Variants in ANKRD29 observed in about 807,000 individuals in gnomAD.
ANKRD29 encodes the protein ankyrin repeat domain-containing protein 29.
Under a neutral mutation model 38.0 loss-of-function variants are expected in ANKRD29, and 32 were observed. That is an observed-to-expected ratio of 0.84 (90% CI 0.64 to 1.13). The LOEUF is 1.13. Among genes scored for constraint, ANKRD29 ranks in the 50% most tolerant of loss-of-function variants. ANKRD29 has a pLI of 0.00. For synonymous variants in ANKRD29, 135 were observed against 152.4 expected (o/e 0.89, Z 0.84); for missense variants, 357 against 377.9 (o/e 0.94, Z 0.46).
chr18:23,657,270 ACCT>A (rs1222155000), intron 1 of ANKRD29, among the ~76,000 whole-genome samples: 2 of 151,006 alleles, frequency 1.3e-5, no homozygotes, highest in Non-Finnish European at 3.0e-5. Context: ...ACTCAACCTC[ACCT>A]CCTTTCCCTT....
intron 3 of ANKRD29, among the ~76,000 whole-genome samples, chr18:23,643,999 C>T (rs1264707672): frequency 2.6e-5 from 4 of 152,204 alleles, no homozygotes; most frequent in Non-Finnish European, 2.9e-5. Flanking sequence ...CCTCTTGCCC[C>T]AGACTGACAC....
At chr18:23,626,093 A>G (rs2059858927) in intron 6 of ANKRD29, among the ~76,000 whole-genome samples, 1 of 152,054 alleles carries the variant, frequency 6.6e-6, no homozygotes, top group Non-Finnish European at 1.5e-5. Context: ...GTCTGTTCCC[A>G]TTTCCAAACC....
intron 4 of ANKRD29, among the ~76,000 whole-genome samples, chr18:23,635,742 GTCAT>G (rs2059994369): frequency 1.3e-5 from 2 of 152,200 alleles, no homozygotes; most frequent in Non-Finnish European, 2.9e-5. Flanking sequence ...CTTTTGACCA[GTCAT>G]GTGGGTTGAT....
chr18:23,649,816 C>T (rs2060188408), intron 1 of ANKRD29, among the ~76,000 whole-genome samples: 1 of 151,902 alleles, frequency 6.6e-6, no homozygotes, highest in Non-Finnish European at 1.5e-5. Context: ...TGCAACCTCC[C>T]CTTCCTGGGT....
chr18:23,613,264 C>CTGAGT (rs111347558), intron 8 of ANKRD29, among the ~76,000 whole-genome samples: 19 of 151,342 alleles, frequency 1.3e-4, no homozygotes, highest in African/African-American at 3.9e-4. Flanking sequence ...CCTCTGCCTC[C>CTGAGT]AGGGCTCAAA....
In ANKRD29 at chr18:23,629,807, G is replaced by T. The variant is rs562386200; in HGVS notation, c.528+46C>A. The stretch of plus-strand genomic sequence containing the variant: ...TGCCAGCGGACACCCAGCCCTCCCT[G>T]CCCCATGCGCCATGTGCTCGGGCAA... On this transcript the variant is annotated intron_variant, in intron 6 of 9. Transcript: ENST00000592179. The T allele has an allele frequency of 3.2e-6, 5 of 1,539,912 alleles. No individual in the cohort carries two copies. In the East Asian group the frequency reaches 9.0e-5, roughly 28 times the overall value.
intron 1 of ANKRD29, among the ~76,000 whole-genome samples, chr18:23,662,456 G>T (rs112319387): frequency 0.036 from 5,496 of 152,210 alleles, 337 homozygotes; most frequent in African/African-American, 0.13. Context: ...GCCGGGCACA[G>T]ACTCAGCCGA....
Position 23,646,175 on chromosome 18 carries a change from A to G in ANKRD29, c.231+14T>C. On this transcript the variant is annotated intron_variant, in intron 3 of 9. Coordinates refer to ENST00000592179, the MANE Select transcript of ANKRD29 (RefSeq NM_173505.4). ...AGCCTGGTCATTTTTCTTCAAGTGC[A>G]AAGCCTGACCTACCTCTCTCTGGAG... 1 of 1,613,586 alleles carries G rather than the reference A, an allele frequency of 6.2e-7. No homozygotes were observed. The highest frequency in any genetic ancestry group is 8.5e-7 in the Non-Finnish European group (1 of 1,179,658).
intron 3 of ANKRD29, among the ~76,000 whole-genome samples, chr18:23,645,584 C>T (rs1196138214): frequency 6.6e-6 from 1 of 152,146 alleles, no homozygotes; most frequent in Non-Finnish European, 1.5e-5. Context: ...AAAAAAAAGT[C>T]CCAGACTCCC....
At chr18:23,643,214 C>T (rs1482005639) in intron 3 of ANKRD29, among the ~76,000 whole-genome samples, 3 of 152,198 alleles carry the variant, frequency 2.0e-5, no homozygotes, top group Non-Finnish European at 4.4e-5. Flanking sequence ...CCCAGGAAGG[C>T]ACAGGCATTG....
chr18:23,617,262 A>G (rs1167895613), intron 8 of ANKRD29, among the ~76,000 whole-genome samples: 1 of 152,176 alleles, frequency 6.6e-6, no homozygotes, highest in African/African-American at 2.4e-5. Flanking sequence ...ACTTAAAAAA[A>G]GAGTTTTGGC....
At chr18:23,617,920 G>T in intron 7 of ANKRD29, 93 bp from the exon 8 acceptor site, 1 of 929,058 alleles carries the variant, frequency 1.1e-6, no homozygotes, top group Non-Finnish European at 1.7e-6. Flanking sequence ...ACCGTTGTCA[G>T]AAACTAATGA....
At chr18:23,617,195 C>A (rs1207809688) in intron 8 of ANKRD29, among the ~76,000 whole-genome samples, 1 of 152,054 alleles carries the variant, frequency 6.6e-6, no homozygotes, top group Non-Finnish European at 1.5e-5. Context: ...CCAGTCTGGG[C>A]TACAAAGGGA....
At chr18:23,658,206 G>A (rs970223750) in intron 1 of ANKRD29, among the ~76,000 whole-genome samples, 1 of 152,150 alleles carries the variant, frequency 6.6e-6, no homozygotes, top group Non-Finnish European at 1.5e-5. Flanking sequence ...AGGAGTCTGA[G>A]ATCAGCCTGG....
At chr18:23,662,600 G>A in intron 1 of ANKRD29, 110 bp downstream of exon 1, 1 of 771,414 alleles carries the variant, frequency 1.3e-6, no homozygotes, top group Non-Finnish European at 1.9e-6. Context: ...GGAGGCGGCG[G>A]GCAGCGGGCA....
rs551916921 is a variant in ANKRD29, at chr18:23,608,896, C to T, written c.822+3196G>A. 4.6e-5 allele frequency among the ~76,000 whole-genome samples: 7 copies of T among 152,208 alleles called. No homozygotes were observed. The South Asian group carries it at 1.5e-3, about 32-fold the overall frequency. On this transcript the variant is annotated intron_variant, in intron 9 of 9. Transcript: ENST00000592179. The stretch of plus-strand genomic sequence containing the variant: ...CCTGTAATCCCAGCACTTTGGGAAA[C>T]CCTGTTTCTCAAAGTGAAAGTTGGT...
rs1487138003 is a variant in ANKRD29 at position 23,617,730 on chromosome 18, A to G, written c.723+2T>C. ...TTAGTAAAATTTATCTTTAGGTCTT[A>G]CCTTCAAAATACCAAGAGTGGGTGA... On this transcript the variant is annotated splice_donor_variant, in intron 8 of 9. Transcript: ENST00000592179. LOFTEE classifies it high-confidence loss of function. 6.2e-7 allele frequency: 1 copy of G among 1,611,726 alleles called. No individual in the cohort carries two copies. The highest frequency in any genetic ancestry group is 1.1e-5 in the South Asian group (1 of 91,020).
chr18:23,619,508 G>T, intron 7 of ANKRD29, 23 bp downstream of exon 7: 1 of 1,564,840 alleles, frequency 6.4e-7, no homozygotes, highest in Non-Finnish European at 8.6e-7. Context: ...TTCGCTCTTT[G>T]GCCGCGCGAC....
At position 23,600,925 on chromosome 18, in the gene ANKRD29, A is replaced by C. The variant is rs751700146; in HGVS notation, c.*301T>G. The C allele has an allele frequency of 6.5e-5, 15 of 229,996 alleles. 1 individual carries two copies. Among genetic ancestry groups the C allele is most frequent in the Non-Finnish European group, 8.6e-5 (10 of 116,956 alleles). The allele number at this position is 229,996 out of a possible 1,614,324, so 14.2% of individuals were successfully genotyped here. On this transcript the variant is annotated 3_prime_UTR_variant, in exon 10 of 10. Coordinates refer to ENST00000592179, the MANE Select transcript of ANKRD29 (RefSeq NM_173505.4). ...CTGTCCACCTTAGAGTTTAACTGAC[A>C]GGTCCAAGTTAGCATTGTTGAAAAT...
Sources: gnomAD v4.1 joint callset for allele counts (sites outside exome capture counted in the v4.1 genomes callset) on GRCh38, gnomAD v4.1.1 for gene constraint, MANE v1.5 for transcripts, NCBI Gene and HGNC (gene_info 2026-07-23, HGNC 2026-07-21) for gene names.